Variants in ATP2A1 observed in about 807,000 individuals in gnomAD.
ATP2A1 encodes the protein sarcoplasmic/endoplasmic reticulum calcium ATPase 1.
In ATP2A1, 83 loss-of-function variants were observed where a neutral mutation model predicts 109.5. That is an observed-to-expected ratio of 0.76 (90% CI 0.63 to 0.91). The LOEUF (loss-of-function observed/expected upper bound fraction) is 0.91, where lower values mean the gene tolerates loss of function less well. Ranked by LOEUF, ATP2A1 falls within the 40% of genes least tolerant of loss-of-function variation. ATP2A1 has a pLI of 0.00. For synonymous variants in ATP2A1, 505 were observed against 537.6 expected (o/e 0.94, Z 0.84); for missense variants, 1,101 against 1,341.0 (o/e 0.82, Z 2.80).
Position 28,879,208 on chromosome 16 carries a change from AGCAAATATCCCTTCCCAAAAG to A in ATP2A1, c.136+99_136+119del, listed in dbSNP as rs1727643474. The A allele has an allele frequency of 4.9e-6, 7 of 1,440,646 alleles. No homozygotes were observed. In the Admixed American group the frequency reaches 5.2e-5, roughly 11 times the overall value. 89.2% of individuals were successfully genotyped at this position (1,440,646 alleles called of 1,614,324 possible). ...CCTCCCTGCCTCTTTAGATTCTTTG[AGCAAATATCCCTTCCCAAAAG>A]GCAAATCTCCCTCCCTAAAGGTTAG... is the stretch of plus-strand genomic sequence containing the variant. On this transcript the variant is annotated intron_variant, in intron 2 of 22. Coordinates refer to ENST00000395503, the MANE Select transcript of ATP2A1 (RefSeq NM_004320.6).
In ATP2A1 at chr16:28,898,096, G is replaced by T; in HGVS notation, c.1516G>T (p.Ala506Ser). 6.2e-7 allele frequency: 1 copy of T among 1,614,122 alleles called. No homozygotes were observed. The highest frequency in any genetic ancestry group is 2.2e-5 in the East Asian group (1 of 44,882). Reference protein sequence around the residue: ...VYCSPAKSSRAAVGNKMFVKG... With the variant: ...VYCSPAKSSRSAVGNKMFVKG... The stretch of plus-strand genomic sequence containing the variant: ...TTGCTCCCCAGCCAAATCTTCCCGG[G>T]CTGCTGTGGGCAACAAGATGTTTGT... Residue 506 changes from alanine to serine, a missense_variant, in exon 13 of 23, where the codon GCT becomes TCT. Coordinates refer to ENST00000395503, the MANE Select transcript of ATP2A1 (RefSeq NM_004320.6). This position sits in a 1 kb window ranked among gnomAD's most constrained non-coding sequence, Gnocchi z 4.0.
At chr16:28,897,598 T>C (rs1188845726) in intron 12 of ATP2A1, among the ~76,000 whole-genome samples, 1 of 152,222 alleles carries the variant, frequency 6.6e-6, no homozygotes, top group Non-Finnish European at 1.5e-5. Context: ...TGGAGTACAA[T>C]GGTGCGATCT....
At chr16:28,885,036 A>C (rs545247849) in intron 6 of ATP2A1, among the ~76,000 whole-genome samples, 126 of 152,042 alleles carry the variant, frequency 8.3e-4, no homozygotes, top group Non-Finnish European at 3.8e-4. Flanking sequence ...GTCAGGAGTT[A>C]GAGACCAGCC....
intron 7 of ATP2A1, 38 bp from the exon 8 acceptor site, chr16:28,887,387 C>T (rs1963643224): frequency 8.1e-6 from 13 of 1,613,646 alleles, no homozygotes; most frequent in Non-Finnish European, 1.0e-5. Flanking sequence ...TGAGGGTCAC[C>T]TCTTGCCTGA....
intron 15 of ATP2A1, among the ~76,000 whole-genome samples, chr16:28,901,603 A>G (rs1307677695): frequency 6.6e-6 from 1 of 152,190 alleles, no homozygotes; most frequent in Non-Finnish European, 1.5e-5. Flanking sequence ...ACTGCATTCC[A>G]GCCTGGGCGA....
rs990699156 is a variant in ATP2A1 at position 28,889,020 on chromosome 16, A to G, written c.1095+67A>G. Reference sequence around the variant, plus strand: ...CTGTGGGGGTTAAATGGGCCCTCCAAAGATAGAGGTCTCCCTTCATCACTG... The same window carrying G: ...CTGTGGGGGTTAAATGGGCCCTCCAGAGATAGAGGTCTCCCTTCATCACTG... On this transcript the variant is annotated intron_variant, in intron 9 of 22. Coordinates refer to ENST00000395503, the MANE Select transcript of ATP2A1 (RefSeq NM_004320.6). The G allele has an allele frequency of 4.4e-6, 7 of 1,589,178 alleles. No individual in the cohort carries two copies. The African/African-American group carries it at 9.4e-5, about 21-fold the overall frequency.
intron 9 of ATP2A1, among the ~76,000 whole-genome samples, chr16:28,891,913 TA>T (rs573441050): frequency 1.2e-4 from 18 of 148,174 alleles, no homozygotes; most frequent in East Asian, 9.8e-4. Context: ...AATAAAAAAG[TA>T]AAAAAAAAAT....
At position 28,903,755 on chromosome 16, in the gene ATP2A1, C is replaced by G; in HGVS notation, c.*37+14C>G. On this transcript the variant is annotated intron_variant, in intron 22 of 22. Transcript: ENST00000395503. This position sits in a 1 kb window ranked among gnomAD's most constrained non-coding sequence, Gnocchi z 5.6. The stretch of plus-strand genomic sequence containing the variant: ...CCCGTGTCACAGGTATCACCCCCTT[C>G]TTGCCCTCAGCCCAGCTGCTGTGCC... 6.2e-7 allele frequency: 1 copy of G among 1,612,658 alleles called. No individual in the cohort carries two copies. The highest frequency in any genetic ancestry group is 8.5e-7 in the Non-Finnish European group (1 of 1,178,710).
Position 28,902,630 on chromosome 16 carries a change from G to A in ATP2A1, c.2575G>A (p.Ala859Thr), listed in dbSNP as rs1391187568. The A allele has an allele frequency of 2.5e-6, 4 of 1,614,066 alleles. No individual in the cohort carries two copies. The highest frequency in any genetic ancestry group is 2.2e-5 in the East Asian group (1 of 44,870). The change falls in exon 18 of 23, where the codon GCT becomes ACT. Residue 859 changes from alanine (A) to threonine (T), a missense_variant. Physicochemically the swap from Ala to Thr is moderately conservative, Grantham distance 58 (BLOSUM62 0). Transcript: ENST00000395503. This position sits in a 1 kb window ranked among gnomAD's most constrained non-coding sequence, Gnocchi z 4.8. ...VGAAAWWFLY[A>T]EDGPHVNYSQ... is the part of the protein sequence containing the mutation. ...AGCAGCTGCCTGGTGGTTCCTGTACGCTGAGGATGGGCCTCATGTCAACTA... is the reference window on the plus strand; with the variant it reads ...AGCAGCTGCCTGGTGGTTCCTGTACACTGAGGATGGGCCTCATGTCAACTA...
chr16:28,879,392 C>A, intron 2 of ATP2A1, 109 bp from the exon 3 acceptor site: 1 of 1,092,520 alleles, frequency 9.2e-7, no homozygotes, highest in Non-Finnish European at 1.4e-6. Flanking sequence ...AAGCTGTCTG[C>A]CCACCACCCT....
At chr16:28,890,292 C>CAA (rs767608802) in intron 9 of ATP2A1, among the ~76,000 whole-genome samples, 34 of 74,358 alleles carry the variant, frequency 4.6e-4, no homozygotes, top group South Asian at 8.5e-4. Flanking sequence ...CCGTCTCTAC[C>CAA]AAAAAAAAAA....
rs762502863 is a variant in ATP2A1, at chr16:28,901,865, A to G, written c.2103A>G (p.Thr701=). 9 of 1,613,624 alleles carry G rather than the reference A, an allele frequency of 5.6e-6. No individual in the cohort carries two copies. Among genetic ancestry groups the G allele is most frequent in the Non-Finnish European group, 7.6e-6 (9 of 1,179,848 alleles). ...CCCACCTTCTCCTCCTCCCTCAGAC[A>G]GGTGATGGCGTCAATGACGCCCCTG... is the stretch of plus-strand genomic sequence containing the variant. ...LQSYDEITAM[T]GDGVNDAPAL... The change falls in exon 16 of 23, where the codon ACA becomes ACG. Residue 701 remains threonine (T), a splice_region_variant and synonymous_variant. Transcript: ENST00000395503.
At chr16:28,887,788 T>C in intron 8 of ATP2A1, 66 bp downstream of exon 8, 1 of 1,569,026 alleles carries the variant, frequency 6.4e-7, no homozygotes, top group Non-Finnish European at 8.7e-7. Flanking sequence ...TTTTCTTTTC[T>C]TTTCTTTTCT....
chr16:28,892,556 T>G (rs1162428367), intron 9 of ATP2A1: 1 of 156,588 alleles, frequency 6.4e-6, no homozygotes, highest in East Asian at 1.9e-4. Flanking sequence ...GTTCCCAAGT[T>G]TTTTTTCTGA....
rs181276694 is a variant in ATP2A1, at chr16:28,885,685, C to T, written c.544+1030C>T. Among the ~76,000 whole-genome samples, 301 of 151,972 alleles carry T rather than the reference C, an allele frequency of 2.0e-3. 2 individuals are homozygous for T. Among genetic ancestry groups the T allele is most frequent in the Non-Finnish European group, 3.4e-3 (230 of 67,974 alleles). On this transcript the variant is annotated intron_variant, in intron 6 of 22. Transcript: ENST00000395503. ...ATTCTGTCCCAAGCCTGAAACGGGA[C>T]GGGTAGTGGGAGAAGGCTGGATGTT...
At position 28,878,967 on chromosome 16, in the gene ATP2A1, T is replaced by G. The variant is rs888898310; in HGVS notation, c.119-132T>G. Reference sequence around the variant, plus strand: ...AACAGAGTCCCGAGATCCAGAGTTTTGGGAGGTTTTAATGGGATGAACTTG... The same window carrying G: ...AACAGAGTCCCGAGATCCAGAGTTTGGGGAGGTTTTAATGGGATGAACTTG... On this transcript the variant is annotated intron_variant, in intron 1 of 22. Transcript: ENST00000395503. The G allele has an allele frequency of 2.2e-6, 3 of 1,394,774 alleles. No individual in the cohort carries two copies. The Admixed American group carries it at 5.0e-5, about 23-fold the overall frequency. The allele number at this position is 1,394,774 out of a possible 1,614,324, so 86.4% of individuals were successfully genotyped here. A position where few individuals can be genotyped will look rare whatever the true frequency, so the allele number is the denominator to read the frequency against.
chr16:28,903,889 G>A lies in ATP2A1; in HGVS notation c.*37+148G>A, dbSNP rs1394533806. The A allele has an allele frequency of 4.6e-6, 4 of 871,844 alleles. No individual in the cohort carries two copies. Among genetic ancestry groups the A allele is most frequent in the Middle Eastern group, 2.6e-4 (1 of 3,836 alleles). The allele number at this position is 871,844 out of a possible 1,614,324, so 54.0% of individuals were successfully genotyped here. ...TGCTGCTGCTGCGCTTCCAGTCAGG[G>A]TGGGCCGCTGGCCTCCCACTGGGCG... On this transcript the variant is annotated intron_variant, in intron 22 of 22. Coordinates refer to ENST00000395503, the MANE Select transcript of ATP2A1 (RefSeq NM_004320.6). This position sits in a 1 kb window ranked among gnomAD's most constrained non-coding sequence, Gnocchi z 5.6.
At chr16:28,895,285 T>C (rs751028223) in intron 12 of ATP2A1, among the ~76,000 whole-genome samples, 14 of 152,176 alleles carry the variant, frequency 9.2e-5, no homozygotes, top group Non-Finnish European at 1.8e-4. Context: ...AGAAGCACAC[T>C]TGTTTTCAGC....
rs761806925 is a variant in ATP2A1 at position 28,900,876 on chromosome 16, T to C, written c.2060T>C (p.Ile687Thr). ...GTGGAGCCCTCGCACAAGTCCAAGA[T>C]TGTGGAGTACCTGCAGTCCTACGAT... ...ARVEPSHKSKIVEYLQSYDEI... is the reference protein window; with the variant it reads ...ARVEPSHKSKTVEYLQSYDEI... Residue 687 changes from isoleucine (I) to threonine (T), a missense_variant, in exon 15 of 23, where the codon ATT (isoleucine) becomes ACT (threonine). Ile to Thr is a moderately conservative substitution (Grantham distance 89). Transcript: ENST00000395503. The C allele has an allele frequency of 1.5e-5, 25 of 1,614,050 alleles. No individual in the cohort carries two copies. The highest frequency in any genetic ancestry group is 2.7e-5 in the African/African-American group (2 of 74,916).
Sources: allele counts gnomAD v4.1 joint callset (sites outside exome capture counted in the v4.1 genomes callset), GRCh38; gene constraint gnomAD v4.1.1; non-coding constraint Gnocchi (gnomAD v3.1); transcripts MANE v1.5; gene names NCBI Gene and HGNC (gene_info 2026-07-23, HGNC 2026-07-21).